PTPDC1: variants seen among roughly 807,000 people sequenced by gnomAD.
PTPDC1 encodes protein tyrosine phosphatase domain containing 1, also known as protein tyrosine phosphatase domain-containing protein 1.
In PTPDC1, 53 loss-of-function variants were observed where a neutral mutation model predicts 75.3. The ratio of observed to expected loss-of-function variants is 0.70; its 90% CI spans 0.56 to 0.88. The LOEUF (loss-of-function observed/expected upper bound fraction) is 0.88. PTPDC1 is among the 40% of genes least tolerant of loss of function. PTPDC1 has a pLI of 0.00. For missense variants in PTPDC1, 925 were observed against 998.6 expected, an observed-to-expected ratio of 0.93 and a Z score of 0.99; for synonymous variants, 349 against 366.2, an observed-to-expected ratio of 0.95 and a Z score of 0.54.
At chr9:94,072,698 A>G (rs1197076539) in intron 2 of PTPDC1, among the ~76,000 whole-genome samples, 1 of 152,086 alleles carries the variant, frequency 6.6e-6, no homozygotes, top group African/African-American at 2.4e-5. Context: ...GTTCCCCTCT[A>G]TTCTTAACTT....
chr9:94,093,100 G>A (rs1046325642), intron 4 of PTPDC1, among the ~76,000 whole-genome samples: 1 of 152,056 alleles, frequency 6.6e-6, no homozygotes, highest in African/African-American at 2.4e-5. Context: ...AGATAATATT[G>A]TTATGTGTGA....
At chr9:94,087,710 G>C in intron 2 of PTPDC1, 121 bp from the exon 3 acceptor site, 1 of 684,662 alleles carries the variant, frequency 1.5e-6, no homozygotes, top group Non-Finnish European at 2.6e-6. Flanking sequence ...ACACAAAAAA[G>C]AATATTCTAA....
intron 1 of PTPDC1, among the ~76,000 whole-genome samples, chr9:94,043,352 A>G (rs1446968830): frequency 6.6e-6 from 1 of 152,166 alleles, no homozygotes. Flanking sequence ...GTTACTATCT[A>G]CATGTTTTCA....
At position 94,088,277 on chromosome 9, in the gene PTPDC1, A is replaced by G; in HGVS notation, c.616+14A>G. On this transcript the variant is annotated intron_variant, in intron 4 of 8. Coordinates refer to ENST00000620992, the MANE Select transcript of PTPDC1 (RefSeq NM_001253829.2). Reference sequence around the variant, plus strand: ...TGGAGGCTGGCAGTAAGTTCCTCCCACCCTCCTCTCATGAATTATCAAGGG... The same window carrying G: ...TGGAGGCTGGCAGTAAGTTCCTCCCGCCCTCCTCTCATGAATTATCAAGGG... 6.2e-7 allele frequency: 1 copy of G among 1,611,220 alleles called. No homozygotes were observed. Among genetic ancestry groups the G allele is most frequent in the Non-Finnish European group, 8.5e-7 (1 of 1,179,110 alleles).
chr9:94,098,391 C>G lies in PTPDC1; in HGVS notation c.1825C>G (p.Pro609Ala). 1 of 1,614,190 alleles carries G rather than the reference C, an allele frequency of 6.2e-7. No individual in the cohort carries two copies. Among genetic ancestry groups the G allele is most frequent in the Non-Finnish European group, 8.5e-7 (1 of 1,180,044 alleles). The change falls in exon 6 of 9, where the codon CCC becomes GCC. Residue 609 changes from proline to alanine, a missense_variant. By Grantham distance (27) the Pro-to-Ala change is conservative. Coordinates refer to ENST00000620992, the MANE Select transcript of PTPDC1 (RefSeq NM_001253829.2). ...AAGCCCTCTGGACTGTGGCTCCAGT[C>G]CCAAAGCACAGTTCTTGGTTGAACA... ...PRSPLDCGSS[P>A]KAQFLVEHET...
intron 7 of PTPDC1, among the ~76,000 whole-genome samples, chr9:94,102,856 G>A (rs1827890610): frequency 6.6e-6 from 1 of 152,164 alleles, no homozygotes; most frequent in South Asian, 2.1e-4. Flanking sequence ...GGGATTACAG[G>A]CATGAGCCAC....
chr9:94,056,408 T>G (rs1453340373), intron 1 of PTPDC1, among the ~76,000 whole-genome samples: 3 of 152,214 alleles, frequency 2.0e-5, no homozygotes, highest in Admixed American at 2.0e-4. Flanking sequence ...ACAATATTTA[T>G]TTAAGTGTGA....
intron 7 of PTPDC1, among the ~76,000 whole-genome samples, chr9:94,102,740 G>A (rs746523540): frequency 1.3e-5 from 2 of 151,946 alleles, no homozygotes; most frequent in Non-Finnish European, 2.9e-5. Flanking sequence ...CACCACGCCC[G>A]GCTAATTTTG....
In PTPDC1 at chr9:94,055,960, A is replaced by G. The variant is rs140168669; in HGVS notation, c.-6-8774A>G. On this transcript the variant is annotated intron_variant, in intron 1 of 9. Transcript: ENST00000375360. ...ACACAGAGTTAACATAATGTTAACT[A>G]TGGACTTTGGGTGATAATTATGTGT... Among the ~76,000 whole-genome samples, 32 of 152,318 alleles carry G rather than the reference A, an allele frequency of 2.1e-4. 1 individual carries two copies. The East Asian group carries it at 6.2e-3, about 29-fold the overall frequency.
chr9:94,091,845 T>C (rs1355052423), intron 4 of PTPDC1, among the ~76,000 whole-genome samples: 1 of 152,198 alleles, frequency 6.6e-6, no homozygotes, highest in Non-Finnish European at 1.5e-5. Flanking sequence ...TATCCATTTC[T>C]TCTAGATTTT....
Position 94,097,304 on chromosome 9 carries a change from T to C in PTPDC1, c.755-17T>C. The stretch of plus-strand genomic sequence containing the variant: ...GTAAGCTTTTCTCATACCAGTCTTC[T>C]CTTCTTCACTGTTTAGGTGTTTTAA... On this transcript the variant is annotated splice_polypyrimidine_tract_variant and intron_variant, in intron 5 of 8. Transcript: ENST00000620992. 1.3e-6 allele frequency: 2 copies of C among 1,511,590 alleles called. No homozygotes were observed. The highest frequency in any genetic ancestry group is 1.8e-6 in the Non-Finnish European group (2 of 1,114,314). 93.6% of individuals were successfully genotyped at this position (1,511,590 alleles called of 1,614,324 possible). A position where few individuals can be genotyped will look rare whatever the true frequency, so the allele number is the denominator to read the frequency against.
chr9:94,066,262 T>G (rs1826302602), intron 2 of PTPDC1, among the ~76,000 whole-genome samples: 4 of 152,238 alleles, frequency 2.6e-5, no homozygotes, highest in Non-Finnish European at 5.9e-5. Flanking sequence ...AATTAAAATT[T>G]TCCTCTTAGT....
chr9:94,037,816 C>T (rs1204060619), intron 1 of PTPDC1, among the ~76,000 whole-genome samples: 1 of 152,154 alleles, frequency 6.6e-6, no homozygotes, highest in Non-Finnish European at 1.5e-5. Flanking sequence ...GGAAAGTTAT[C>T]CAGTCAGATA....
intron 2 of PTPDC1, among the ~76,000 whole-genome samples, chr9:94,067,503 A>G (rs963619419): frequency 2.0e-5 from 3 of 152,114 alleles, no homozygotes; most frequent in South Asian, 2.1e-4. Context: ...CAATTTTCTA[A>G]TTGTCTTATA....
Position 94,066,434 on chromosome 9 carries a change from A to C in PTPDC1, c.82+1613A>C, listed in dbSNP as rs374725008. ...AATGTTATATAATGATTCATGGGAA[A>C]ATTTAATTGGGGGGATACATAAAGT... On this transcript the variant is annotated intron_variant, in intron 2 of 9. Transcript: ENST00000375360. Among the ~76,000 whole-genome samples, 27 of 152,276 alleles carry C rather than the reference A, an allele frequency of 1.8e-4. No homozygotes were observed. In the East Asian group the frequency reaches 3.5e-3, roughly 20 times the overall value.
chr9:94,073,702 C>A (rs1418260473), intron 2 of PTPDC1, among the ~76,000 whole-genome samples: 1 of 152,074 alleles, frequency 6.6e-6, no homozygotes, highest in Non-Finnish European at 1.5e-5. Context: ...TGAGATCTTT[C>A]CTCTCCTCTA....
chr9:94,037,772 A>T (rs574716319), intron 1 of PTPDC1, among the ~76,000 whole-genome samples: 2 of 152,042 alleles, frequency 1.3e-5, no homozygotes, highest in African/African-American at 2.4e-5. Context: ...CCGTAATCCC[A>T]GGGTACGAGG....
intron 1 of PTPDC1, among the ~76,000 whole-genome samples, chr9:94,048,289 G>T: frequency 6.6e-6 from 1 of 152,048 alleles, no homozygotes; most frequent in South Asian, 2.1e-4. Context: ...TCTTTTAATT[G>T]TGATGTTAGG....
At chr9:94,065,852 TGATGTCTAGTGGCTGCTTCCCTTCTA>T (rs1164142954) in intron 2 of PTPDC1, among the ~76,000 whole-genome samples, 3 of 152,326 alleles carry the variant, frequency 2.0e-5, no homozygotes, top group East Asian at 3.9e-4. Flanking sequence ...AACACAAGAA[TGATGTCTAGTGGCTGCTTCCCTTCTA>T]GATGTCTAGT....
Sources: allele counts gnomAD v4.1 joint callset (sites outside exome capture counted in the v4.1 genomes callset), GRCh38; gene constraint gnomAD v4.1.1; transcripts MANE v1.5; gene names NCBI Gene and HGNC (gene_info 2026-07-23, HGNC 2026-07-21).